Variants in MRPS28 observed in about 807,000 individuals in gnomAD.
The protein encoded by MRPS28 is mitochondrial ribosomal protein S28.
In MRPS28, 7 loss-of-function variants were observed where a neutral mutation model predicts 10.8. That is an observed-to-expected ratio of 0.65 (90% CI 0.37 to 1.22). The LOEUF (loss-of-function observed/expected upper bound fraction) is 1.22, where lower values mean the gene tolerates loss of function less well. Ranked by LOEUF, MRPS28 falls within the 50% of genes most tolerant of loss-of-function variation. The pLI is 0.02. For synonymous variants in MRPS28, 121 were observed against 93.3 expected (o/e 1.30, Z -1.71); for missense variants, 265 against 232.9 (o/e 1.14, Z -0.90).
intron 2 of MRPS28, among the ~76,000 whole-genome samples, chr8:79,984,363 C>G (rs1273501594): frequency 1.3e-5 from 2 of 152,216 alleles, no homozygotes; most frequent in African/African-American, 2.4e-5. Flanking sequence ...GAAACTGCAT[C>G]AACTAACGAG....
At chr8:79,925,997 GA>G (rs1158532607) in intron 2 of MRPS28, among the ~76,000 whole-genome samples, 80 of 79,458 alleles carry the variant, frequency 1.0e-3, no homozygotes, top group African/African-American at 1.9e-3. Flanking sequence ...GAAAAGAAAA[GA>G]AAAAAAAAAA....
chr8:80,015,388 G>C (rs1364479807), intron 1 of MRPS28, among the ~76,000 whole-genome samples: 1 of 152,180 alleles, frequency 6.6e-6, no homozygotes, highest in Non-Finnish European at 1.5e-5. Context: ...ACTTGTCAGA[G>C]CCTAAGTGTC....
At chr8:79,963,925 G>A (rs1220535515) in intron 2 of MRPS28, among the ~76,000 whole-genome samples, 1 of 152,128 alleles carries the variant, frequency 6.6e-6, no homozygotes, top group Non-Finnish European at 1.5e-5. Flanking sequence ...GCTTACAGGA[G>A]TGAAGTAATT....
At chr8:79,985,453 C>T (rs550438653) in intron 2 of MRPS28, among the ~76,000 whole-genome samples, 1 of 152,010 alleles carries the variant, frequency 6.6e-6, no homozygotes, top group South Asian at 2.1e-4. Context: ...AATAGAGACA[C>T]AAAAAACCCT....
At chr8:80,011,264 A>G (rs1259629153) in intron 1 of MRPS28, among the ~76,000 whole-genome samples, 1 of 151,914 alleles carries the variant, frequency 6.6e-6, no homozygotes, top group Non-Finnish European at 1.5e-5. Flanking sequence ...AGAAGAGCAA[A>G]CAGTATCAAC....
rs578135198 is a variant in MRPS28, at chr8:79,986,470, A to C, written c.395+16529T>G. Among the ~76,000 whole-genome samples, 4 of 152,352 alleles carry C rather than the reference A, an allele frequency of 2.6e-5. No homozygotes were observed. The East Asian group carries it at 7.7e-4, about 29-fold the overall frequency. On this transcript the variant is annotated intron_variant, in intron 2 of 2. Coordinates refer to ENST00000276585, the MANE Select transcript of MRPS28 (RefSeq NM_014018.3). ...AAATAAAGGGTATTCAATTAGGAAAAGAGGAAGTCAACTTGTCCCTGTTTG... is the reference window on the plus strand; with the variant it reads ...AAATAAAGGGTATTCAATTAGGAAACGAGGAAGTCAACTTGTCCCTGTTTG...
At chr8:79,978,895 T>C (rs1223095356) in intron 2 of MRPS28, among the ~76,000 whole-genome samples, 1 of 151,456 alleles carries the variant, frequency 6.6e-6, no homozygotes, top group South Asian at 2.1e-4. Context: ...TAATGATGTA[T>C]TTTTTTTCAC....
At chr8:80,027,368 A>G (rs929941737) in intron 1 of MRPS28, among the ~76,000 whole-genome samples, 11 of 152,220 alleles carry the variant, frequency 7.2e-5, no homozygotes, top group Non-Finnish European at 7.3e-5. Flanking sequence ...AAGTTGCCCA[A>G]AGTCACTCAG....
intron 2 of MRPS28, among the ~76,000 whole-genome samples, chr8:79,990,588 T>C (rs1234142925): frequency 3.9e-5 from 6 of 152,064 alleles, no homozygotes; most frequent in African/African-American, 1.4e-4. Flanking sequence ...AAAACTTCCA[T>C]GTCATGGAAT....
At chr8:79,936,962 G>A (rs1337510948) in intron 2 of MRPS28, among the ~76,000 whole-genome samples, 1 of 152,142 alleles carries the variant, frequency 6.6e-6, no homozygotes, top group Non-Finnish European at 1.5e-5. Flanking sequence ...CTGGGTTCAA[G>A]CGATTCTCCC....
chr8:79,991,322 A>C (rs897806030), intron 2 of MRPS28, among the ~76,000 whole-genome samples: 1 of 150,726 alleles, frequency 6.6e-6, no homozygotes, highest in Non-Finnish European at 1.5e-5. Flanking sequence ...AGCTTAAAAA[A>C]AGAACTTTTG....
At chr8:79,942,281 T>A (rs1806790305) in intron 2 of MRPS28, among the ~76,000 whole-genome samples, 1 of 152,214 alleles carries the variant, frequency 6.6e-6, no homozygotes, top group South Asian at 2.1e-4. Flanking sequence ...AAGGGAGTGA[T>A]ACACTTGGAA....
rs557349028 is a variant in MRPS28, at chr8:80,011,761, CA to C, written c.214-8582del. On this transcript the variant is annotated intron_variant, in intron 1 of 2. Coordinates refer to ENST00000276585, the MANE Select transcript of MRPS28 (RefSeq NM_014018.3). ...GAGTGAGACTCTCAAAAAAAAACAA[CA>C]AAAAACAAAAACAAAAAACAAAACA... 6.4e-3 allele frequency among the ~76,000 whole-genome samples: 966 copies of C among 151,872 alleles called. 8 individuals are homozygous for C. The highest frequency in any genetic ancestry group is 0.022 in the African/African-American group (902 of 41,412).
At chr8:80,029,202 C>T (rs1446161237) in intron 1 of MRPS28, among the ~76,000 whole-genome samples, 1 of 152,136 alleles carries the variant, frequency 6.6e-6, no homozygotes, top group Non-Finnish European at 1.5e-5. Context: ...AACTAATATA[C>T]CAGGCTTCTT....
intron 2 of MRPS28, among the ~76,000 whole-genome samples, chr8:79,927,453 C>T (rs147862000): frequency 1.3e-3 from 182 of 138,824 alleles, no homozygotes; most frequent in African/African-American, 4.9e-3. Flanking sequence ...CCTGCACTTT[C>T]GACTACATTA....
intron 1 of MRPS28, among the ~76,000 whole-genome samples, chr8:80,011,246 T>C (rs369349429): frequency 4.6e-5 from 7 of 151,908 alleles, no homozygotes; most frequent in South Asian, 4.2e-4. Context: ...AGAATAGCAG[T>C]GCTCAAGAGA....
At chr8:79,993,488 A>G (rs1018089647) in intron 2 of MRPS28, among the ~76,000 whole-genome samples, 7 of 152,200 alleles carry the variant, frequency 4.6e-5, no homozygotes, top group Non-Finnish European at 8.8e-5. Context: ...TATGGCATGT[A>G]TCCAAACAAG....
chr8:79,928,861 C>A (rs1390760327), intron 2 of MRPS28, among the ~76,000 whole-genome samples: 3 of 151,928 alleles, frequency 2.0e-5, no homozygotes, highest in African/African-American at 7.2e-5. Context: ...CTGGCCAACA[C>A]ATAGTGAAAC....
At chr8:80,028,092 C>T (rs936727234) in intron 1 of MRPS28, among the ~76,000 whole-genome samples, 1 of 152,122 alleles carries the variant, frequency 6.6e-6, no homozygotes, top group African/African-American at 2.4e-5. Context: ...TTGGTTGTTT[C>T]CTTCATTAAA....
Sources: allele counts gnomAD v4.1 joint callset (sites outside exome capture counted in the v4.1 genomes callset), GRCh38; gene constraint gnomAD v4.1.1; transcripts MANE v1.5; gene names NCBI Gene and HGNC (gene_info 2026-07-23, HGNC 2026-07-21).